Variants in OPN3 observed in about 807,000 individuals in gnomAD.
OPN3 encodes the protein opsin-3.
OPN3 carries 29 observed loss-of-function variants against 33.8 expected under a neutral mutation model. The ratio of observed to expected loss-of-function variants is 0.86; its 90% confidence interval spans 0.64 to 1.17. OPN3 has a LOEUF of 1.17. OPN3 is among the 50% of genes most tolerant of loss of function. The pLI is 0.00. For synonymous variants in OPN3, 216 were observed against 216.1 expected (o/e 1.00, Z 0.00); for missense variants, 437 against 514.1 (o/e 0.85, Z 1.45).
At chr1:241,634,170 A>C in intron 1 of OPN3, 1 of 1,613,966 alleles carries the variant, frequency 6.2e-7, no homozygotes, top group Non-Finnish European at 8.5e-7. Context: ...GTTTCAGTAT[A>C]CGGAGTGAAT....
chr1:241,629,163 C>G (rs1664518425), intron 1 of OPN3: 1 of 152,454 alleles, frequency 6.6e-6, no homozygotes, highest in Non-Finnish European at 1.5e-5. Context: ...CTTTTTTCCC[C>G]CTTAAAGTTA....
intron 1 of OPN3, among the ~76,000 whole-genome samples, chr1:241,616,492 T>C (rs923070019): frequency 2.0e-5 from 3 of 152,134 alleles, no homozygotes; most frequent in African/African-American, 7.2e-5. Context: ...CTACTTACTA[T>C]ATTTTGGTAC....
chr1:241,639,326 T>C (rs1331088633), intron 1 of OPN3: 1 of 152,242 alleles, frequency 6.6e-6, no homozygotes, highest in Non-Finnish European at 1.5e-5. Flanking sequence ...AACTGTCTCA[T>C]TCCCTAGAAA....
chr1:241,598,426 T>C (rs1663595919), intron 2 of OPN3, among the ~76,000 whole-genome samples: 2 of 152,214 alleles, frequency 1.3e-5, no homozygotes. Context: ...ACCCATGTCA[T>C]GTCAGGTGTT....
At chr1:241,635,953 A>G in intron 1 of OPN3, 1 of 586,352 alleles carries the variant, frequency 1.7e-6, no homozygotes, top group Non-Finnish European at 3.0e-6. Context: ...TAAAAACATG[A>G]GCAAGTACAT....
At chr1:241,606,021 A>C (rs924391272) in intron 1 of OPN3, among the ~76,000 whole-genome samples, 3 of 152,022 alleles carry the variant, frequency 2.0e-5, no homozygotes, top group African/African-American at 7.3e-5. Context: ...TCAGTAGTGA[A>C]TGCTCATTCT....
intron 1 of OPN3, chr1:241,635,739 CA>C: frequency 6.2e-7 from 1 of 1,612,118 alleles, no homozygotes; most frequent in South Asian, 1.1e-5. Flanking sequence ...ATAACCACAT[CA>C]AACTCTGTGG....
Position 241,597,945 on chromosome 1 carries a change from T to C in OPN3, c.746A>G (p.Tyr249Cys), listed in dbSNP as rs978631201. The change falls in exon 3 of 4, where the codon TAT becomes TGT. Residue 249 changes from tyrosine to cysteine, a missense_variant. Physicochemically the swap from Tyr to Cys is radical, Grantham distance 194 (BLOSUM62 -2). Transcript: ENST00000366554. ...GCACATTTTGGCCAGTTTCTTTTCA[T>C]ATTTTAAAATCTTGATCACTTGAAT... ...QTIQVIKILK[Y>C]EKKLAKMCFL... 1.1e-5 allele frequency: 18 copies of C among 1,613,778 alleles called. No homozygotes were observed. The highest frequency in any genetic ancestry group is 1.5e-5 in the Non-Finnish European group (18 of 1,179,962).
intron 1 of OPN3, chr1:241,630,785 AATG>A (rs1473042037): frequency 6.6e-6 from 1 of 152,068 alleles, no homozygotes; most frequent in African/African-American, 2.4e-5. Flanking sequence ...ATCAAGGGTG[AATG>A]ATGAATTTTT....
At position 241,597,136 on chromosome 1, in the gene OPN3, G is replaced by A. The variant is rs111539375; in HGVS notation, c.945+610C>T. ...TGAGCCACCACACCAGGCCCAGGAA[G>A]TTTCTTGAACCAAATTAATTTAGGC... is the stretch of plus-strand genomic sequence containing the variant. On this transcript the variant is annotated intron_variant, in intron 3 of 3. Transcript: ENST00000366554. Among the ~76,000 whole-genome samples the A allele has an allele frequency of 2.7e-3, 412 of 152,220 alleles. 1 individual carries two copies. The highest frequency in any genetic ancestry group is 9.2e-3 in the African/African-American group (382 of 41,530).
chr1:241,640,140 C>CG lies in OPN3; in HGVS notation c.114dup (p.Gly39ArgfsTer82). ...AGCAGCGCCAGGCGCTCGTAGGTGCCGGGGCTGAAGAGGGGCGCGGGGCTC... is the reference window on the plus strand; with the variant it reads ...AGCAGCGCCAGGCGCTCGTAGGTGCCGGGGGCTGAAGAGGGGCGCGGGGCTC... On this transcript the variant is annotated frameshift_variant, in exon 1 of 4. Transcript: ENST00000366554. LOFTEE classifies it high-confidence loss of function. 1 of 1,575,562 alleles carries CG rather than the reference C, an allele frequency of 6.3e-7. No individual in the cohort carries two copies. Among genetic ancestry groups the CG allele is most frequent in the Non-Finnish European group, 8.6e-7 (1 of 1,163,036 alleles).
intron 1 of OPN3, chr1:241,614,257 T>TGCAGAA (rs1664066597): frequency 7.0e-6 from 1 of 142,726 alleles, no homozygotes; most frequent in Non-Finnish European, 1.5e-5. Context: ...CCCAAATGCT[T>TGCAGAA]GCAGTGCATT....
intron 2 of OPN3, among the ~76,000 whole-genome samples, chr1:241,603,509 C>T (rs1663734832): frequency 6.6e-6 from 1 of 151,726 alleles, no homozygotes; most frequent in South Asian, 2.1e-4. Context: ...AGTTTGACTA[C>T]AGGCATAGAG....
chr1:241,638,013 C>T (rs557699315), intron 1 of OPN3, among the ~76,000 whole-genome samples: 3 of 152,302 alleles, frequency 2.0e-5, no homozygotes, highest in East Asian at 1.9e-4. Context: ...GCACAAACTC[C>T]GGAATTTACT....
chr1:241,594,911 T>A (rs1663453704), intron 3 of OPN3: 1 of 512,264 alleles, frequency 2.0e-6, no homozygotes, highest in Admixed American at 3.6e-5. Flanking sequence ...TGTAGGACCA[T>A]TTCAATACCT....
chr1:241,640,037 C>T lies in OPN3; in HGVS notation c.218G>A (p.Arg73His), dbSNP rs1286795741. 5 of 1,613,012 alleles carry T rather than the reference C, an allele frequency of 3.1e-6. No homozygotes were observed. The highest frequency in any genetic ancestry group is 2.5e-6 in the Non-Finnish European group (3 of 1,179,546). Residue 73 changes from arginine (R) to histidine (H), a missense_variant, in exon 1 of 4, where the codon CGC (arginine) becomes CAC (histidine). Physicochemically the swap from Arg to His is conservative, Grantham distance 29. Coordinates refer to ENST00000366554, the MANE Select transcript of OPN3 (RefSeq NM_014322.3). The stretch of plus-strand genomic sequence containing the variant: ...GACCAGGAGGAGGTGAGTGGGAGTG[C>T]GGAGCCGCTGGAACTTGTAGTAGAG... ...LVLYYKFQRL[R>H]TPTHLLLVNI...
At chr1:241,597,473 TG>T (rs1663556699) in intron 3 of OPN3, among the ~76,000 whole-genome samples, 1 of 152,230 alleles carries the variant, frequency 6.6e-6, no homozygotes, top group African/African-American at 2.4e-5. Flanking sequence ...ACATTGTAGC[TG>T]TTATTACTAG....
At position 241,593,304 on chromosome 1, in the gene OPN3, A is replaced by G. The variant is rs537150629; in HGVS notation, c.*1124T>C. ...CATACTGCAGCAGAACCAGCAATAC[A>G]CTTGATTTTTAAAAGCACATTTAGT... On this transcript the variant is annotated 3_prime_UTR_variant, in exon 4 of 4. Transcript: ENST00000366554. 2.5e-6 allele frequency: 1 copy of G among 402,970 alleles called. No individual in the cohort carries two copies. The highest frequency in any genetic ancestry group is 7.4e-5 in the East Asian group (1 of 13,582). The allele number at this position is 402,970 out of a possible 1,614,324, so 25.0% of individuals were successfully genotyped here. A position where few individuals can be genotyped will look rare whatever the true frequency, so the allele number is the denominator to read the frequency against.
At chr1:241,599,707 C>A (rs1316861253) in intron 2 of OPN3, among the ~76,000 whole-genome samples, 2 of 152,036 alleles carry the variant, frequency 1.3e-5, no homozygotes, top group Admixed American at 6.5e-5. Context: ...ATTAGAAGAT[C>A]TAAGTTTATA....
Sources: allele counts gnomAD v4.1 joint callset (sites outside exome capture counted in the v4.1 genomes callset), GRCh38; gene constraint gnomAD v4.1.1; transcripts MANE v1.5; gene names NCBI Gene and HGNC (gene_info 2026-07-23, HGNC 2026-07-21).